Variants in CAMK1D observed in about 807,000 individuals in gnomAD.
CAMK1D encodes calcium/calmodulin-dependent protein kinase type 1D.
A neutral mutation model predicts 47.7 loss-of-function variants in CAMK1D; 9 were observed. The ratio of observed to expected loss-of-function variants is 0.19; its 90% CI spans 0.11 to 0.33. The LOEUF is 0.33. Ranked by LOEUF, CAMK1D falls within the 10% of genes least tolerant of loss-of-function variation. The pLI is 1.00. For synonymous variants in CAMK1D, 184 were observed against 184.9 expected (o/e 0.99, Z 0.04); for missense variants, 291 against 488.7 (o/e 0.60, Z 3.81).
intron 2 of CAMK1D, among the ~76,000 whole-genome samples, chr10:12,623,086 T>C (rs1463316688): frequency 9.5e-6 from 1 of 104,982 alleles, no homozygotes; most frequent in Non-Finnish European, 1.9e-5. Flanking sequence ...CCTTCCTTCC[T>C]CCCTCCCTTC....
intron 8 of CAMK1D, among the ~76,000 whole-genome samples, chr10:12,822,102 C>A (rs1206568727): frequency 6.6e-6 from 1 of 152,220 alleles, no homozygotes; most frequent in Non-Finnish European, 1.5e-5. Flanking sequence ...CCACTAGGAT[C>A]CCTTCCAATG....
Position 12,645,970 on chromosome 10 carries a change from G to T in CAMK1D, c.225-20766G>T, listed in dbSNP as rs201804086. ...TGTGATTTCTCATAAATGGCTAGTT[G>T]TTTTTTTTTTTTTTTTAAGTAACTG... On this transcript the variant is annotated intron_variant, in intron 2 of 10. Transcript: ENST00000619168. Among the ~76,000 whole-genome samples, 1,149 of 136,872 alleles carry T rather than the reference G, an allele frequency of 8.4e-3. 16 individuals are homozygous for T. Among genetic ancestry groups the T allele is most frequent in the African/African-American group, 0.028 (1,045 of 37,270 alleles). The allele number at this position is 136,872 out of a possible 152,430, so 89.8% of individuals were successfully genotyped here. A position where few individuals can be genotyped will look rare whatever the true frequency, so the allele number is the denominator to read the frequency against.
At chr10:12,745,906 C>T (rs1366630575) in intron 3 of CAMK1D, among the ~76,000 whole-genome samples, 2 of 152,058 alleles carry the variant, frequency 1.3e-5, no homozygotes, top group Non-Finnish European at 2.9e-5. Flanking sequence ...GCCTGGCTGA[C>T]GAAATCTGAC....
intron 2 of CAMK1D, among the ~76,000 whole-genome samples, chr10:12,560,445 C>T (rs61848321): frequency 0.058 from 8,692 of 151,086 alleles, 255 homozygotes; most frequent in Middle Eastern, 0.11. Flanking sequence ...CTCAGCTACT[C>T]GGGAGCCTGA....
At chr10:12,683,883 A>G (rs2132617692) in intron 3 of CAMK1D, among the ~76,000 whole-genome samples, 1 of 152,216 alleles carries the variant, frequency 6.6e-6, no homozygotes, top group South Asian at 2.1e-4. Flanking sequence ...CTAGTGACTA[A>G]GCAAATGAGA....
chr10:12,356,015 C>G (rs771007766), intron 1 of CAMK1D, among the ~76,000 whole-genome samples: 1 of 152,072 alleles, frequency 6.6e-6, no homozygotes, highest in African/African-American at 2.4e-5. Context: ...TAGACTCTTC[C>G]GGTCAAAGGC....
In CAMK1D at chr10:12,706,691, A is replaced by G. The variant is rs376505945; in HGVS notation, c.299+39881A>G. ...GGGAGGCAGAGATTATAGGGAGCCAAGATTGTGCCACTGCACTCCAGCTTG... is the reference window on the plus strand; with the variant it reads ...GGGAGGCAGAGATTATAGGGAGCCAGGATTGTGCCACTGCACTCCAGCTTG... On this transcript the variant is annotated intron_variant, in intron 3 of 10. Coordinates refer to ENST00000619168, the MANE Select transcript of CAMK1D (RefSeq NM_153498.4). Among the ~76,000 whole-genome samples, 21 of 152,070 alleles carry G rather than the reference A, an allele frequency of 1.4e-4. 1 individual carries two copies. Among genetic ancestry groups the G allele is most frequent in the Admixed American group, 7.9e-4 (12 of 15,276 alleles).
chr10:12,679,749 G>A (rs1005859788), intron 3 of CAMK1D, among the ~76,000 whole-genome samples: 4 of 151,922 alleles, frequency 2.6e-5, no homozygotes, highest in South Asian at 2.1e-4. Flanking sequence ...GCAGCACCAC[G>A]ACGGACTAAA....
At chr10:12,591,781 C>T (rs1838003288) in intron 2 of CAMK1D, among the ~76,000 whole-genome samples, 1 of 152,220 alleles carries the variant, frequency 6.6e-6, no homozygotes, top group African/African-American at 2.4e-5. Flanking sequence ...GCAACCTCCG[C>T]CTCCTGGGTT....
intron 2 of CAMK1D, among the ~76,000 whole-genome samples, chr10:12,574,658 C>A (rs376625239): frequency 6.6e-6 from 1 of 151,698 alleles, no homozygotes; most frequent in African/African-American, 2.4e-5. Context: ...TCTTCCTCCT[C>A]GTGTTAGTCT....
At chr10:12,541,360 T>C (rs913410552) in intron 1 of CAMK1D, among the ~76,000 whole-genome samples, 1 of 152,100 alleles carries the variant, frequency 6.6e-6, no homozygotes, top group Non-Finnish European at 1.5e-5. Context: ...TTTTTGTTTT[T>C]CTTTCTTTTC....
In CAMK1D at chr10:12,595,342, G is replaced by GGAAAAA. The variant is rs1554794318; in HGVS notation, c.224+41986_224+41987insGAAAAA. Among the ~76,000 whole-genome samples, 19 of 23,564 alleles carry GGAAAAA rather than the reference G, an allele frequency of 8.1e-4. 2 individuals are homozygous for GGAAAAA. Among genetic ancestry groups the GGAAAAA allele is most frequent in the African/African-American group, 2.9e-3 (16 of 5,542 alleles). The allele number at this position is 23,564 out of a possible 152,430, so 15.5% of individuals were successfully genotyped here. A position where few individuals can be genotyped will look rare whatever the true frequency, so the allele number is the denominator to read the frequency against. ...GGGCAACAAGAGTGAAACTCCATCT[G>GGAAAAA]AAAAAAAAAAAAAAAAAAAAAAGGA... On this transcript the variant is annotated intron_variant, in intron 2 of 10. Coordinates refer to ENST00000619168, the MANE Select transcript of CAMK1D (RefSeq NM_153498.4).
Position 12,835,523 on chromosome 10 carries a change from A to G in CAMK1D, c.*6636A>G, listed in dbSNP as rs750441564. ...ATTGATGACTTCCTGTTTTCCTCCAATAAAGACAATTAATCACCTTCAGAT... is the reference window on the plus strand; with the variant it reads ...ATTGATGACTTCCTGTTTTCCTCCAGTAAAGACAATTAATCACCTTCAGAT... On this transcript the variant is annotated 3_prime_UTR_variant, in exon 11 of 11. Transcript: ENST00000619168. 7 of 152,220 alleles carry G rather than the reference A, an allele frequency of 4.6e-5. No homozygotes were observed. Among genetic ancestry groups the G allele is most frequent in the Non-Finnish European group, 7.3e-5 (5 of 68,052 alleles). 9.4% of individuals were successfully genotyped at this position (152,220 alleles called of 1,614,324 possible).
chr10:12,649,325 G>C (rs1190001020), intron 2 of CAMK1D, among the ~76,000 whole-genome samples: 1 of 152,264 alleles, frequency 6.6e-6, no homozygotes, highest in Non-Finnish European at 1.5e-5. Flanking sequence ...CCAGCAGATA[G>C]ATGGATGTGT....
At chr10:12,816,507 C>G (rs1190865140) in intron 8 of CAMK1D, among the ~76,000 whole-genome samples, 179 bp downstream of exon 8, 1 of 152,044 alleles carries the variant, frequency 6.6e-6, no homozygotes, top group Non-Finnish European at 1.5e-5. Flanking sequence ...CTTGTGCCCC[C>G]AGGACACAGC....
chr10:12,793,589 G>A (rs2493766), intron 6 of CAMK1D, among the ~76,000 whole-genome samples: 64,595 of 152,132 alleles, frequency 0.42, 14,093 homozygotes, highest in East Asian at 0.56. Context: ...CAACCAATTC[G>A]TTTCCTGGTG....
intron 1 of CAMK1D, among the ~76,000 whole-genome samples, chr10:12,407,009 G>A (rs12256018): frequency 1.3e-5 from 2 of 152,266 alleles, no homozygotes; most frequent in Admixed American, 1.3e-4. Context: ...GCACTTCCAA[G>A]AGTCCTGCTC....
In CAMK1D at chr10:12,675,538, C is replaced by A. The variant is rs370470443; in HGVS notation, c.299+8728C>A. On this transcript the variant is annotated intron_variant, in intron 3 of 10. Coordinates refer to ENST00000619168, the MANE Select transcript of CAMK1D (RefSeq NM_153498.4). Reference sequence around the variant, plus strand: ...CAACAATCCCATCCCTTGGCAAATCCTGTGGCCACCAGCTTCAGAATTTAC... The same window carrying A: ...CAACAATCCCATCCCTTGGCAAATCATGTGGCCACCAGCTTCAGAATTTAC... Among the ~76,000 whole-genome samples the A allele has an allele frequency of 2.6e-5, 4 of 152,226 alleles. No individual in the cohort carries two copies. In the East Asian group the frequency reaches 7.7e-4, roughly 29 times the overall value.
intron 3 of CAMK1D, among the ~76,000 whole-genome samples, chr10:12,694,058 A>G (rs1361648111): frequency 2.0e-5 from 1 of 50,786 alleles, no homozygotes; most frequent in Non-Finnish European, 3.4e-5. Flanking sequence ...TATATATTAT[A>G]TATATAATAT....
Sources: allele counts gnomAD v4.1 joint callset (sites outside exome capture counted in the v4.1 genomes callset), GRCh38; gene constraint gnomAD v4.1.1; transcripts MANE v1.5; gene names NCBI Gene and HGNC (gene_info 2026-07-23, HGNC 2026-07-21).